Variants in PAPPA2 observed in about 807,000 individuals in gnomAD.
PAPPA2 encodes pappalysin 2.
Under a neutral mutation model 176.4 loss-of-function variants are expected in PAPPA2, and 86 were observed. The ratio of observed to expected loss-of-function variants is 0.49; its 90% CI spans 0.41 to 0.58. PAPPA2 has a LOEUF of 0.58. Ranked by LOEUF, PAPPA2 falls within the 20% of genes least tolerant of loss-of-function variation. The pLI, the probability that PAPPA2 is intolerant of heterozygous loss-of-function variation, is 0.00. For missense variants in PAPPA2, 2,073 were observed against 2,256.9 expected (o/e 0.92, Z 1.65); for synonymous variants, 809 against 852.2 (o/e 0.95, Z 0.88).
chr1:176,512,402 A>C (rs1395126586), intron 1 of PAPPA2, among the ~76,000 whole-genome samples: 1 of 152,170 alleles, frequency 6.6e-6, no homozygotes, highest in Non-Finnish European at 1.5e-5. Context: ...TTGCAATAAA[A>C]GAAATGAACT....
chr1:176,671,303 G>A (rs531268866), intron 4 of PAPPA2, among the ~76,000 whole-genome samples, 188 bp downstream of exon 4: 1 of 152,302 alleles, frequency 6.6e-6, no homozygotes, highest in South Asian at 2.1e-4. Flanking sequence ...CAAGTAAGAG[G>A]TATTAGAACA....
intron 2 of PAPPA2, among the ~76,000 whole-genome samples, chr1:176,570,097 C>T (rs1045714219): frequency 4.6e-5 from 7 of 152,218 alleles, no homozygotes; most frequent in Non-Finnish European, 8.8e-5. Flanking sequence ...TTTTCTCATT[C>T]TCATAGAACT....
intron 17 of PAPPA2, among the ~76,000 whole-genome samples, chr1:176,772,238 T>C (rs1557861910): frequency 6.6e-6 from 1 of 152,222 alleles, no homozygotes; most frequent in Non-Finnish European, 1.5e-5. Context: ...ATTCTTTCTC[T>C]ACCGTAAATT....
chr1:176,585,652 T>A (rs1186393922), intron 2 of PAPPA2, among the ~76,000 whole-genome samples: 1 of 152,072 alleles, frequency 6.6e-6, no homozygotes, highest in Non-Finnish European at 1.5e-5. Context: ...TTTCATACAT[T>A]TTTGTAGGCT....
intron 1 of PAPPA2, among the ~76,000 whole-genome samples, chr1:176,548,252 C>A (rs1309741114): frequency 6.6e-6 from 1 of 151,416 alleles, no homozygotes. Context: ...ACTGGTTTTC[C>A]ATTTATATTT....
chr1:176,685,646 A>G (rs1317066090), intron 4 of PAPPA2, among the ~76,000 whole-genome samples: 1 of 152,202 alleles, frequency 6.6e-6, no homozygotes, highest in Non-Finnish European at 1.5e-5. Context: ...CTTTCTCTGA[A>G]AGCAGGGGAA....
chr1:176,658,356 T>C (rs1658141427), intron 3 of PAPPA2, among the ~76,000 whole-genome samples: 1 of 152,004 alleles, frequency 6.6e-6, no homozygotes, highest in African/African-American at 2.4e-5. Flanking sequence ...CTGTTCCAGA[T>C]ACTATATATT....
intron 1 of PAPPA2, among the ~76,000 whole-genome samples, chr1:176,543,318 C>T (rs974045791): frequency 6.6e-6 from 1 of 152,178 alleles, no homozygotes; most frequent in African/African-American, 2.4e-5. Context: ...CCACTCTCAC[C>T]TCCATTGCTT....
At chr1:176,480,148 A>G (rs1394523334) in intron 1 of PAPPA2, among the ~76,000 whole-genome samples, 2 of 152,066 alleles carry the variant, frequency 1.3e-5, no homozygotes, top group East Asian at 1.9e-4. Flanking sequence ...CCTCCTCCCC[A>G]TGTCCTGCAG....
intron 1 of PAPPA2, among the ~76,000 whole-genome samples, chr1:176,471,257 G>A (rs1175534732): frequency 6.6e-6 from 1 of 151,988 alleles, no homozygotes; most frequent in Admixed American, 6.6e-5. Context: ...GCTCATGCAG[G>A]GTTCAGAGGG....
At chr1:176,493,434 T>C (rs1558400457) in intron 1 of PAPPA2, among the ~76,000 whole-genome samples, 1 of 152,354 alleles carries the variant, frequency 6.6e-6, no homozygotes, top group Admixed American at 6.5e-5. Flanking sequence ...ATGGCAGCTC[T>C]ATTGCTCCTG....
chr1:176,480,688 A>G lies in PAPPA2; in HGVS notation c.-917+17270A>G, dbSNP rs1466324763. 2.0e-5 allele frequency among the ~76,000 whole-genome samples: 3 copies of G among 152,226 alleles called. No individual in the cohort carries two copies. In the South Asian group the frequency reaches 6.2e-4, roughly 32 times the overall value. ...GAGGGGCATACACATTTCACAGAGAATGGATGAAGGAAAATATTTTCTTTC... is the reference window on the plus strand; with the variant it reads ...GAGGGGCATACACATTTCACAGAGAGTGGATGAAGGAAAATATTTTCTTTC... On this transcript the variant is annotated intron_variant, in intron 1 of 22. Coordinates refer to ENST00000367662, the MANE Select transcript of PAPPA2 (RefSeq NM_020318.3).
At chr1:176,536,840 T>A (rs1650091659) in intron 1 of PAPPA2, among the ~76,000 whole-genome samples, 1 of 152,162 alleles carries the variant, frequency 6.6e-6, no homozygotes, top group Admixed American at 6.5e-5. Context: ...CATGAAGCAA[T>A]ACACCACAAA....
At chr1:176,785,250 T>C (rs1664885795) in intron 17 of PAPPA2, among the ~76,000 whole-genome samples, 1 of 152,114 alleles carries the variant, frequency 6.6e-6, no homozygotes, top group African/African-American at 2.4e-5. Flanking sequence ...TTCCATACCA[T>C]GAATTCTCAA....
chr1:176,811,910 C>A (rs1430746663), intron 21 of PAPPA2, among the ~76,000 whole-genome samples: 1 of 152,112 alleles, frequency 6.6e-6, no homozygotes, highest in Non-Finnish European at 1.5e-5. Flanking sequence ...CCTACACCCC[C>A]TACCTTTCCA....
chr1:176,796,659 TTTC>T (rs1393816198), intron 20 of PAPPA2, among the ~76,000 whole-genome samples: 8 of 151,460 alleles, frequency 5.3e-5, no homozygotes, highest in East Asian at 1.9e-4. Flanking sequence ...TTTCTTTTTC[TTTC>T]TTCTTTCTTT....
chr1:176,704,788 T>C (rs934362453), intron 9 of PAPPA2, among the ~76,000 whole-genome samples: 3 of 152,174 alleles, frequency 2.0e-5, no homozygotes, highest in Admixed American at 2.0e-4. Context: ...TTTCAAAGAC[T>C]TAGTATACAA....
intron 1 of PAPPA2, among the ~76,000 whole-genome samples, chr1:176,487,687 T>A (rs1422422557): frequency 6.9e-6 from 1 of 145,298 alleles, no homozygotes; most frequent in Non-Finnish European, 1.5e-5. Flanking sequence ...TACAAGGGCC[T>A]GGTCTAGGAC....
At position 176,710,046 on chromosome 1, in the gene PAPPA2, C is replaced by T; in HGVS notation, c.3521C>T (p.Thr1174Ile). 1 of 1,613,062 alleles carries T rather than the reference C, an allele frequency of 6.2e-7. No individual in the cohort carries two copies. The highest frequency in any genetic ancestry group is 2.2e-5 in the East Asian group (1 of 44,842). Reference sequence around the variant, plus strand: ...ATATGTGAACCTTTTGAGAGAAAAACCAGCATTGTAGACTGTGGCATCTAC... The same window carrying T: ...ATATGTGAACCTTTTGAGAGAAAAATCAGCATTGTAGACTGTGGCATCTAC... ...DGICEPFERKTSIVDCGIYTP... is the reference protein window; with the variant it reads ...DGICEPFERKISIVDCGIYTP... The change falls in exon 11 of 23, where the codon ACC (threonine) becomes ATC (isoleucine). Residue 1174 changes from threonine to isoleucine, a missense_variant. Physicochemically the swap from Thr to Ile is moderately conservative, Grantham distance 89. Transcript: ENST00000367662.
Sources: allele counts gnomAD v4.1 joint callset (sites outside exome capture counted in the v4.1 genomes callset), GRCh38; gene constraint gnomAD v4.1.1; transcripts MANE v1.5; gene names NCBI Gene and HGNC (gene_info 2026-07-23, HGNC 2026-07-21).